Variants in SIRT4 observed in about 807,000 individuals in gnomAD.
SIRT4 encodes the protein sirtuin 4.
SIRT4 carries 23 observed loss-of-function variants against 26.1 expected under a neutral mutation model. That is an observed-to-expected ratio of 0.88 (90% CI 0.63 to 1.25). The LOEUF (loss-of-function observed/expected upper bound fraction) is 1.25, where lower values mean the gene tolerates loss of function less well. Among genes scored for constraint, SIRT4 ranks in the 50% most tolerant of loss-of-function variants. The pLI, the probability that SIRT4 is intolerant of heterozygous loss-of-function variation, is 0.00. For missense variants in SIRT4, 361 were observed against 405.4 expected, an observed-to-expected ratio of 0.89 and a Z score of 0.94; for synonymous variants, 155 against 158.4, an observed-to-expected ratio of 0.98 and a Z score of 0.16.
intron 2 of SIRT4, among the ~76,000 whole-genome samples, chr12:120,308,117 A>C (rs188706114): frequency 2.6e-5 from 4 of 151,204 alleles, no homozygotes; most frequent in Admixed American, 1.3e-4. Context: ...TTGATCTTCC[A>C]AAGTGTTGGG....
intron 2 of SIRT4, among the ~76,000 whole-genome samples, chr12:120,304,823 ATATATATATATATTTTT>A (rs1246716335): frequency 0.02 from 156 of 7,766 alleles, 1 homozygote; most frequent in African/African-American, 0.086. Context: ...ATATATATAT[ATATATATATATATTTTT>A]TTTTTTTTTT....
chr12:120,296,019 A>G, the SIRT4 span, among the ~76,000 whole-genome samples: 481 of 129,802 alleles, frequency 3.7e-3, 2 homozygotes, highest in African/African-American at 0.012. Flanking sequence ...CCTGGGAGGT[A>G]GAGGTTGCCA....
At chr12:120,293,131 A>G in the SIRT4 span, 14 of 152,310 alleles carry the variant, frequency 9.2e-5, no homozygotes, top group African/African-American at 2.4e-4. Flanking sequence ...GCCAGTGCCG[A>G]CTATATTGCA....
At chr12:120,291,914 T>TTTA in the SIRT4 span, 1 of 151,610 alleles carries the variant, frequency 6.6e-6, no homozygotes, top group Non-Finnish European at 1.5e-5. Context: ...GGAAAGGTTC[T>TTTA]GTTCGCGCCC....
At chr12:120,292,644 CAAG>C in the SIRT4 span, among the ~76,000 whole-genome samples, 2 of 150,256 alleles carry the variant, frequency 1.3e-5, no homozygotes, top group Non-Finnish European at 3.0e-5. Flanking sequence ...AGCCAGCTGG[CAAG>C]AAAAGTCAAC....
chr12:120,307,704 C>A (rs1388039133), intron 2 of SIRT4, among the ~76,000 whole-genome samples: 1 of 150,356 alleles, frequency 6.7e-6, no homozygotes, highest in African/African-American at 2.4e-5. Context: ...ACTAAAAATA[C>A]AAAATTAGCC....
chr12:120,296,528 T>C, the SIRT4 span, among the ~76,000 whole-genome samples: 1 of 150,490 alleles, frequency 6.6e-6, no homozygotes, highest in Non-Finnish European at 1.5e-5. Context: ...TTTTTTTTTT[T>C]TGAGACATGT....
intron 2 of SIRT4, among the ~76,000 whole-genome samples, chr12:120,310,234 C>G (rs142499658): frequency 2.0e-5 from 3 of 152,008 alleles, no homozygotes; most frequent in Middle Eastern, 3.4e-3. Flanking sequence ...GGCGTGGTGG[C>G]AGGCGCCTGT....
chr12:120,303,222 G>A (rs1453148766), intron 1 of SIRT4, among the ~76,000 whole-genome samples: 2 of 151,916 alleles, frequency 1.3e-5, no homozygotes, highest in African/African-American at 4.8e-5. Context: ...GCTCACACCT[G>A]TAATTCCAGC....
At chr12:120,294,205 G>C in the SIRT4 span, among the ~76,000 whole-genome samples, 1 of 151,826 alleles carries the variant, frequency 6.6e-6, no homozygotes, top group South Asian at 2.1e-4. Context: ...TGTTGGCCAG[G>C]CTGGTCTCAA....
chr12:120,297,494 CAA>C (rs200686377), upstream of SIRT4, among the ~76,000 whole-genome samples: 3 of 83,596 alleles, frequency 3.6e-5, no homozygotes, highest in African/African-American at 3.5e-5. Flanking sequence ...ACTTGGATGA[CAA>C]AAAAAAAAAG....
chr12:120,299,966 G>A (rs963783621), upstream of SIRT4, among the ~76,000 whole-genome samples: 2 of 151,980 alleles, frequency 1.3e-5, no homozygotes, highest in African/African-American at 2.4e-5. Context: ...CAGAGTCAGG[G>A]GCTTCATGAA....
At chr12:120,299,045 T>A (rs2136822026), upstream of SIRT4, among the ~76,000 whole-genome samples, 1 of 147,428 alleles carries the variant, frequency 6.8e-6, no homozygotes, top group East Asian at 2.0e-4. Flanking sequence ...GCTAACACGG[T>A]GAAACCCCGT....
At chr12:120,311,375 TA>T (rs1282954064) in intron 2 of SIRT4, among the ~76,000 whole-genome samples, 5 of 142,506 alleles carry the variant, frequency 3.5e-5, no homozygotes, top group Non-Finnish European at 4.7e-5. Flanking sequence ...AAAAATAAAA[TA>T]AAAAAATAAA....
intron 2 of SIRT4, among the ~76,000 whole-genome samples, chr12:120,305,750 C>T (rs911111959): frequency 1.8e-4 from 27 of 152,324 alleles, no homozygotes; most frequent in South Asian, 6.2e-4. Context: ...CGGCGGCTCA[C>T]GCCTGTAATC....
In SIRT4 at chr12:120,303,676, C is replaced by G; in HGVS notation, c.115C>G (p.Leu39Val). ...IGLFVPASPP[L>V]DPEKVKELQR... ...GTTATTTGTGCCAGCAAGTCCTCCTCTGGACCCTGAGAAGGTCAAAGAGTT... is the reference window on the plus strand; with the variant it reads ...GTTATTTGTGCCAGCAAGTCCTCCTGTGGACCCTGAGAAGGTCAAAGAGTT... Residue 39 changes from leucine to valine, a missense_variant, in exon 2 of 4, where the codon CTG becomes GTG. By Grantham distance (32) the Leu-to-Val change is conservative. Coordinates refer to ENST00000202967, the MANE Select transcript of SIRT4 (RefSeq NM_012240.3). 6.2e-7 allele frequency: 1 copy of G among 1,614,170 alleles called. No individual in the cohort carries two copies. Among genetic ancestry groups the G allele is most frequent in the Non-Finnish European group, 8.5e-7 (1 of 1,180,036 alleles).
At chr12:120,308,352 G>A (rs1872827487) in intron 2 of SIRT4, among the ~76,000 whole-genome samples, 2 of 151,566 alleles carry the variant, frequency 1.3e-5, no homozygotes, top group South Asian at 2.1e-4. Flanking sequence ...TGTATTTGTA[G>A]TAGAGGTAGG....
upstream of SIRT4, among the ~76,000 whole-genome samples, chr12:120,297,506 G>T (rs1592891559): frequency 6.9e-6 from 1 of 144,302 alleles, no homozygotes; most frequent in African/African-American, 2.6e-5. Context: ...AAAAAAAAAA[G>T]AAATAGAAAC....
At chr12:120,309,659 T>G (rs1207014595) in intron 2 of SIRT4, among the ~76,000 whole-genome samples, 1 of 150,794 alleles carries the variant, frequency 6.6e-6, no homozygotes, top group Non-Finnish European at 1.5e-5. Flanking sequence ...GTGATCTGCC[T>G]GCCTTGGCCT....
Sources: gnomAD v4.1 joint callset for allele counts (sites outside exome capture counted in the v4.1 genomes callset) on GRCh38, gnomAD v4.1.1 for gene constraint, MANE v1.5 for transcripts, NCBI Gene and HGNC (gene_info 2026-07-23, HGNC 2026-07-21) for gene names.